CTNND2: variants seen among roughly 807,000 people sequenced by gnomAD.
CTNND2 encodes the protein catenin delta-2.
A neutral mutation model predicts 144.4 loss-of-function variants in CTNND2; 22 were observed. That is an observed-to-expected ratio of 0.15 (90% CI 0.11 to 0.22). CTNND2 has a LOEUF of 0.22. Ranked by LOEUF, CTNND2 falls within the 10% of genes least tolerant of loss-of-function variation. The probability of loss-of-function intolerance (pLI) is 1.00; values close to 1 mark genes in which losing one functional copy is unlikely to be tolerated. For synonymous variants in CTNND2, 751 were observed against 695.6 expected (o/e 1.08, Z -1.25); for missense variants, 1,353 against 1,618.8 (o/e 0.84, Z 2.82).
chr5:11,398,713 C>A (rs1027170307), intron 5 of CTNND2, among the ~76,000 whole-genome samples: 1 of 152,074 alleles, frequency 6.6e-6, no homozygotes, highest in African/African-American at 2.4e-5. Context: ...CCTGAGAAAA[C>A]AGTATGTACC....
At chr5:11,383,595 C>T (rs918400988) in intron 7 of CTNND2, among the ~76,000 whole-genome samples, 2 of 152,202 alleles carry the variant, frequency 1.3e-5, no homozygotes, top group African/African-American at 4.8e-5. Context: ...CCAGTCCACA[C>T]TGGCAATTAC....
At chr5:11,306,060 GA>G (rs1750166363) in intron 9 of CTNND2, among the ~76,000 whole-genome samples, 1 of 152,188 alleles carries the variant, frequency 6.6e-6, no homozygotes, top group South Asian at 2.1e-4. Context: ...AATGTAACAG[GA>G]AGACAGTGAA....
rs542721814 is a variant in CTNND2 at position 11,688,145 on chromosome 5, GC to G, written c.174+43990del. On this transcript the variant is annotated intron_variant, in intron 2 of 21. Transcript: ENST00000304623. ...GAGTGAAGTGGAAAAGTATATGACT[GC>G]CACTGGCTATTACTACTTATTAACG... Among the ~76,000 whole-genome samples the G allele has an allele frequency of 6.4e-4, 98 of 152,244 alleles. 1 individual carries two copies. Among genetic ancestry groups the G allele is most frequent in the African/African-American group, 2.2e-3 (92 of 41,548 alleles).
In CTNND2 at chr5:11,798,736, T is replaced by C. The variant is rs556185274; in HGVS notation, c.38-66464A>G. Among the ~76,000 whole-genome samples the C allele has an allele frequency of 8.2e-4, 125 of 152,264 alleles. No individual in the cohort carries two copies. The South Asian group carries it at 0.018, about 22-fold the overall frequency. On this transcript the variant is annotated intron_variant, in intron 1 of 21. Coordinates refer to ENST00000304623, the MANE Select transcript of CTNND2 (RefSeq NM_001332.4). ...GAACTGAGATCGCGCCACTGCACTC[T>C]AGCCTGGGGACAGAGTGAGACTCCG...
chr5:11,129,209 T>TTA (rs1260729940), intron 12 of CTNND2, among the ~76,000 whole-genome samples: 3 of 27,472 alleles, frequency 1.1e-4, no homozygotes, highest in South Asian at 2.7e-3. Context: ...TATTATATAT[T>TTA]TATATATTAT....
intron 9 of CTNND2, among the ~76,000 whole-genome samples, chr5:11,313,876 C>A (rs1455064293): frequency 1.3e-5 from 2 of 152,110 alleles, no homozygotes; most frequent in Non-Finnish European, 2.9e-5. Flanking sequence ...GAACGTCTTA[C>A]ATGGCAGGAG....
intron 9 of CTNND2, among the ~76,000 whole-genome samples, chr5:11,286,506 C>T (rs771179739): frequency 1.4e-4 from 22 of 152,204 alleles, no homozygotes; most frequent in Non-Finnish European, 2.6e-4. Flanking sequence ...GGGACCTGCA[C>T]CCAAGTGCCT....
chr5:11,864,176 C>T (rs1358835458), intron 1 of CTNND2, among the ~76,000 whole-genome samples: 2 of 152,180 alleles, frequency 1.3e-5, no homozygotes, highest in Middle Eastern at 3.4e-3. Context: ...AGAGGTCACT[C>T]GAGGGACGCC....
At chr5:11,345,522 G>A (rs754651846) in intron 9 of CTNND2, among the ~76,000 whole-genome samples, 1 of 151,994 alleles carries the variant, frequency 6.6e-6, no homozygotes, top group Non-Finnish European at 1.5e-5. Context: ...AGGAACTTGC[G>A]TGCTCCATCA....
chr5:11,319,666 T>C (rs913108971), intron 9 of CTNND2, among the ~76,000 whole-genome samples: 2 of 151,976 alleles, frequency 1.3e-5, no homozygotes, highest in African/African-American at 2.4e-5. Flanking sequence ...GATTACAGGC[T>C]CCTGCCACCA....
chr5:11,285,458 G>A (rs1747625935), intron 9 of CTNND2, among the ~76,000 whole-genome samples: 1 of 152,168 alleles, frequency 6.6e-6, no homozygotes, highest in Admixed American at 6.6e-5. Context: ...TCAAAGACAA[G>A]GGAGAAGAGT....
At chr5:11,665,462 T>C (rs1283169947) in intron 2 of CTNND2, among the ~76,000 whole-genome samples, 1 of 152,172 alleles carries the variant, frequency 6.6e-6, no homozygotes, top group Non-Finnish European at 1.5e-5. Context: ...TCTTACTACA[T>C]TTTCACAACC....
chr5:11,448,590 G>T (rs935885087), intron 3 of CTNND2, among the ~76,000 whole-genome samples: 10 of 152,082 alleles, frequency 6.6e-5, no homozygotes, highest in African/African-American at 1.9e-4. Flanking sequence ...ACAAGCAAAA[G>T]ATCTCATTTT....
intron 10 of CTNND2, among the ~76,000 whole-genome samples, chr5:11,204,930 G>C (rs1248563060): frequency 1.3e-5 from 2 of 152,174 alleles, no homozygotes; most frequent in Non-Finnish European, 2.9e-5. Context: ...ATTTGCAAAA[G>C]GGAGGGATTT....
chr5:11,224,452 C>T (rs1740115489), intron 10 of CTNND2, among the ~76,000 whole-genome samples: 1 of 152,192 alleles, frequency 6.6e-6, no homozygotes, highest in African/African-American at 2.4e-5. Flanking sequence ...TACACTGACC[C>T]TCAGCACATT....
At chr5:11,181,559 G>C (rs1734954900) in intron 11 of CTNND2, among the ~76,000 whole-genome samples, 2 of 152,164 alleles carry the variant, frequency 1.3e-5, no homozygotes, top group African/African-American at 2.4e-5. Flanking sequence ...CAAAGAAGTC[G>C]GGGATAGTAG....
chr5:11,817,753 G>A (rs901288250), intron 1 of CTNND2, among the ~76,000 whole-genome samples: 1 of 152,034 alleles, frequency 6.6e-6, no homozygotes, highest in East Asian at 1.9e-4. Context: ...CACAAAGTGA[G>A]AAACCATGGT....
intron 1 of CTNND2, among the ~76,000 whole-genome samples, chr5:11,775,484 C>A (rs1284479324): frequency 6.6e-6 from 1 of 152,220 alleles, no homozygotes; most frequent in African/African-American, 2.4e-5. Flanking sequence ...CCCCCCATTG[C>A]ACTGTCCCCA....
intron 3 of CTNND2, among the ~76,000 whole-genome samples, chr5:11,461,278 A>G (rs31947): frequency 0.15 from 22,596 of 151,796 alleles, 2,596 homozygotes; most frequent in African/African-American, 0.32. Flanking sequence ...GTCCCATCTC[A>G]TGTGCATGTG....
Sources: gnomAD v4.1 joint callset for allele counts (sites outside exome capture counted in the v4.1 genomes callset) on GRCh38, gnomAD v4.1.1 for gene constraint, MANE v1.5 for transcripts, NCBI Gene and HGNC (gene_info 2026-07-23, HGNC 2026-07-21) for gene names.